SHTN1: variants seen among roughly 807,000 people sequenced by gnomAD.
SHTN1 encodes shootin-1.
A neutral mutation model predicts 83.1 loss-of-function variants in SHTN1; 42 were observed. The observed-to-expected ratio is 0.51, with a 90% CI of 0.39 to 0.65. The LOEUF (loss-of-function observed/expected upper bound fraction) is 0.65. SHTN1 is among the 30% of genes least tolerant of loss of function. The pLI, the probability that SHTN1 is intolerant of heterozygous loss-of-function variation, is 0.00. For synonymous variants in SHTN1, 224 were observed against 247.7 expected, an observed-to-expected ratio of 0.90 and a Z score of 0.90; for missense variants, 622 against 737.8, an observed-to-expected ratio of 0.84 and a Z score of 1.82.
At chr10:117,084,584 T>G (rs971070598) in intron 1 of SHTN1, among the ~76,000 whole-genome samples, 17 of 152,226 alleles carry the variant, frequency 1.1e-4, no homozygotes, top group Non-Finnish European at 2.4e-4. Flanking sequence ...GCTTCCCGGC[T>G]GCTTTGTTTA....
intron 2 of SHTN1, among the ~76,000 whole-genome samples, chr10:117,019,016 C>T (rs1448421558): frequency 2.0e-5 from 3 of 151,964 alleles, no homozygotes. Flanking sequence ...AGAAAAACTA[C>T]AGGAATTTTC....
chr10:116,933,076 T>A lies in SHTN1; in HGVS notation c.859-3074A>T, dbSNP rs1849028173. 3.3e-5 allele frequency among the ~76,000 whole-genome samples: 5 copies of A among 152,168 alleles called. No homozygotes were observed. In the South Asian group the frequency reaches 1.0e-3, roughly 32 times the overall value. ...TGAAATTCTTTCCCTCCCACCCTAT[T>A]CTCCAGTTCTCTTTCCCAGGGGACT... On this transcript the variant is annotated intron_variant, in intron 9 of 16. Transcript: ENST00000355371.
chr10:116,944,657 C>T (rs2133405191), intron 8 of SHTN1, among the ~76,000 whole-genome samples: 1 of 152,024 alleles, frequency 6.6e-6, no homozygotes, highest in South Asian at 2.1e-4. Flanking sequence ...CTTTGGGAGG[C>T]CAAGGCGAGC....
At chr10:117,048,463 C>T (rs1057039149) in exon 2 of SHTN1, 2 of 985,200 alleles carry the variant, frequency 2.0e-6, no homozygotes, top group African/African-American at 3.5e-5. Flanking sequence ...CTGAGGCAGA[C>T]TTCATCAATC....
At chr10:117,097,030 G>T (rs61873043) in intron 1 of SHTN1, among the ~76,000 whole-genome samples, 16 of 148,950 alleles carry the variant, frequency 1.1e-4, no homozygotes, top group African/African-American at 4.0e-4. Flanking sequence ...CACACACATA[G>T]ACACACACAC....
At chr10:116,972,582 T>C (rs1418132293) in intron 2 of SHTN1, among the ~76,000 whole-genome samples, 2 of 152,232 alleles carry the variant, frequency 1.3e-5, no homozygotes, top group African/African-American at 4.8e-5. Flanking sequence ...GAATGTTTCA[T>C]CTTTCCACCA....
At chr10:117,102,752 A>G (rs1250589081) in intron 1 of SHTN1, among the ~76,000 whole-genome samples, 1 of 152,138 alleles carries the variant, frequency 6.6e-6, no homozygotes, top group Non-Finnish European at 1.5e-5. Context: ...CAAGGACTAT[A>G]AAGCTCTATT....
rs1847146704 is a variant in SHTN1, at chr10:116,885,772, A to G, written c.*572T>C. On this transcript the variant is annotated 3_prime_UTR_variant, in exon 17 of 17. Transcript: ENST00000355371. The stretch of plus-strand genomic sequence containing the variant: ...CATCCAATAGTTAACAATGTGTGTA[A>G]TTAACACTGACTATGGGACTACGAG... The G allele has an allele frequency of 6.5e-6, 1 of 153,046 alleles. No individual in the cohort carries two copies. The highest frequency in any genetic ancestry group is 6.5e-5 in the Admixed American group (1 of 15,396). 9.5% of individuals were successfully genotyped at this position (153,046 alleles called of 1,614,324 possible).
chr10:117,005,604 C>G, upstream of SHTN1: 1 of 989,694 alleles, frequency 1.0e-6, no homozygotes, highest in Non-Finnish European at 1.2e-6. Flanking sequence ...GGCTTCTTCC[C>G]TAGTTTTCCC....
chr10:116,931,363 T>A (rs1848958063), intron 9 of SHTN1, among the ~76,000 whole-genome samples: 1 of 152,100 alleles, frequency 6.6e-6, no homozygotes, highest in Non-Finnish European at 1.5e-5. Context: ...ATTCTTGTGC[T>A]TCAGCCTCCT....
chr10:117,116,803 C>T (rs1409982675), intron 1 of SHTN1, among the ~76,000 whole-genome samples: 1 of 152,036 alleles, frequency 6.6e-6, no homozygotes, highest in Non-Finnish European at 1.5e-5. Context: ...GAACCAAGAA[C>T]AAAACCATAT....
intron 9 of SHTN1, among the ~76,000 whole-genome samples, chr10:116,938,253 T>G (rs1849244119): frequency 6.6e-6 from 1 of 152,122 alleles, no homozygotes; most frequent in Non-Finnish European, 1.5e-5. Flanking sequence ...CATTCTGGTT[T>G]TTGGAATTTT....
At chr10:117,015,147 T>C (rs1852164203) in intron 2 of SHTN1, among the ~76,000 whole-genome samples, 1 of 152,196 alleles carries the variant, frequency 6.6e-6, no homozygotes. Context: ...ATCTGTTTCA[T>C]CTAAGTTAGA....
At chr10:116,940,688 A>C (rs1462756050) in intron 8 of SHTN1, 76 bp from the exon 9 acceptor site, 1 of 1,207,444 alleles carries the variant, frequency 8.3e-7, no homozygotes, top group Non-Finnish European at 1.1e-6. Context: ...CAGCAAAAGA[A>C]AAGTACATGG....
chr10:117,020,716 A>G (rs1262403428), intron 2 of SHTN1, among the ~76,000 whole-genome samples: 2 of 152,162 alleles, frequency 1.3e-5, no homozygotes, highest in African/African-American at 4.8e-5. Flanking sequence ...AAGTTTCTAG[A>G]AGAAAACACA....
At chr10:117,072,236 G>T (rs1176123687) in intron 1 of SHTN1, among the ~76,000 whole-genome samples, 1 of 152,184 alleles carries the variant, frequency 6.6e-6, no homozygotes, top group Non-Finnish European at 1.5e-5. Flanking sequence ...TTGGGACTTG[G>T]ACTGGCTTTC....
At chr10:117,056,698 C>G (rs1434055826) in intron 1 of SHTN1, among the ~76,000 whole-genome samples, 1 of 152,074 alleles carries the variant, frequency 6.6e-6, no homozygotes, top group Non-Finnish European at 1.5e-5. Flanking sequence ...GTAGTCCCAG[C>G]TACTCATGAG....
At chr10:116,889,238 G>A (rs912700387) in intron 16 of SHTN1, among the ~76,000 whole-genome samples, 8 of 152,202 alleles carry the variant, frequency 5.3e-5, no homozygotes, top group African/African-American at 1.9e-4. Flanking sequence ...GGGCTCCACA[G>A]CAGCAATACA....
chr10:117,012,274 C>CA (rs954650050), intron 2 of SHTN1, among the ~76,000 whole-genome samples: 1 of 151,600 alleles, frequency 6.6e-6, no homozygotes, highest in African/African-American at 2.4e-5. Flanking sequence ...TATGGAAAGG[C>CA]AAAAAACAAA....
Sources: gnomAD v4.1 joint callset for allele counts (sites outside exome capture counted in the v4.1 genomes callset) on GRCh38, gnomAD v4.1.1 for gene constraint, MANE v1.5 for transcripts, NCBI Gene and HGNC (gene_info 2026-07-23, HGNC 2026-07-21) for gene names.